Variants in CSGALNACT1 observed in about 807,000 individuals in gnomAD.
CSGALNACT1 encodes the protein beta4GalNAcT-1.
In CSGALNACT1, 52 loss-of-function variants were observed where a neutral mutation model predicts 51.0. The observed-to-expected ratio is 1.02, with a 90% CI of 0.82 to 1.29. The LOEUF (loss-of-function observed/expected upper bound fraction) is 1.29. Ranked by LOEUF, CSGALNACT1 falls within the 50% of genes most tolerant of loss-of-function variation. The pLI, the probability that CSGALNACT1 is intolerant of heterozygous loss-of-function variation, is 0.00. For synonymous variants in CSGALNACT1, 341 were observed against 254.4 expected (o/e 1.34, Z -3.24); for missense variants, 935 against 679.2 (o/e 1.38, Z -4.19).
At chr8:19,492,092 A>G (rs1207168787) in intron 4 of CSGALNACT1, among the ~76,000 whole-genome samples, 2 of 152,244 alleles carry the variant, frequency 1.3e-5, no homozygotes, top group African/African-American at 4.8e-5. Context: ...AATGCCACTC[A>G]TGGGAACATT....
chr8:19,642,696 G>C (rs1175127592), intron 1 of CSGALNACT1, among the ~76,000 whole-genome samples: 1 of 151,930 alleles, frequency 6.6e-6, no homozygotes, highest in African/African-American at 2.4e-5. Context: ...TGAGGTGAGA[G>C]GATCGTTTGG....
At chr8:19,406,140 A>T in intron 9 of CSGALNACT1, 71 bp from the exon 9 acceptor site, 1 of 1,572,274 alleles carries the variant, frequency 6.4e-7, no homozygotes, top group Non-Finnish European at 8.7e-7. Context: ...TGCAACAAGC[A>T]CAAACTTTTC....
At chr8:19,507,784 C>A (rs139587032) in intron 3 of CSGALNACT1, among the ~76,000 whole-genome samples, 1 of 152,162 alleles carries the variant, frequency 6.6e-6, no homozygotes, top group Non-Finnish European at 1.5e-5. Context: ...CGCATCACCA[C>A]CCCTGGCTAA....
intron 3 of CSGALNACT1, among the ~76,000 whole-genome samples, chr8:19,576,606 G>A (rs752287999): frequency 2.6e-5 from 4 of 151,650 alleles, no homozygotes; most frequent in Non-Finnish European, 5.9e-5. Flanking sequence ...TGCTGGCAGG[G>A]ACCTCAGTCC....
intron 4 of CSGALNACT1, among the ~76,000 whole-genome samples, chr8:19,470,194 T>C (rs138246583): frequency 0.013 from 2,037 of 151,940 alleles, 19 homozygotes; most frequent in Non-Finnish European, 0.02. Context: ...GTTCCCACAA[T>C]GGGGATGGAG....
chr8:19,685,740 T>A (rs2060937089), upstream of CSGALNACT1, among the ~76,000 whole-genome samples: 1 of 152,190 alleles, frequency 6.6e-6, no homozygotes, highest in African/African-American at 2.4e-5. Context: ...CCATCATTCA[T>A]ATTCTGAATC....
At chr8:19,588,122 G>A (rs982031503) in intron 3 of CSGALNACT1, 8 of 151,970 alleles carry the variant, frequency 5.3e-5, no homozygotes, top group Admixed American at 4.6e-4. Context: ...GTATGGGGTG[G>A]GGAGGTAGGT....
chr8:19,736,225 C>T lies in CSGALNACT1; in HGVS notation c.-297+21625G>A, dbSNP rs182070997. Among the ~76,000 whole-genome samples the T allele has an allele frequency of 1.6e-3, 239 of 152,142 alleles. 3 individuals carry two copies. In the South Asian group the frequency reaches 0.019, roughly 12 times the overall value. ...TAGCAGGGGTCAGAAAACTATAGCC[C>T]GCTTGTTTTTATAAATAAAGTTTTA... On this transcript the variant is annotated intron_variant, in intron 1 of 1. Transcript: ENST00000517494.
intron 2 of CSGALNACT1, among the ~76,000 whole-genome samples, chr8:19,600,432 G>A (rs2050156182): frequency 1.3e-5 from 2 of 152,026 alleles, no homozygotes; most frequent in African/African-American, 4.8e-5. Context: ...ATTATCTCAA[G>A]GTCTTACTAA....
chr8:19,669,337 A>G (rs1234172613), intron 1 of CSGALNACT1, among the ~76,000 whole-genome samples: 2 of 152,364 alleles, frequency 1.3e-5, no homozygotes, highest in East Asian at 3.9e-4. Context: ...TGCTTAATAA[A>G]TTTCATCCCG....
chr8:19,657,743 C>A (rs2058407876), intron 1 of CSGALNACT1, among the ~76,000 whole-genome samples: 1 of 152,164 alleles, frequency 6.6e-6, no homozygotes, highest in African/African-American at 2.4e-5. Flanking sequence ...TGGGGCAAAA[C>A]AAGAAGTGCT....
At chr8:19,648,726 C>A (rs1471961072) in intron 1 of CSGALNACT1, among the ~76,000 whole-genome samples, 2 of 152,102 alleles carry the variant, frequency 1.3e-5, no homozygotes, top group Non-Finnish European at 2.9e-5. Flanking sequence ...ATCACCTGAG[C>A]CTGGAGCAAC....
intron 4 of CSGALNACT1, among the ~76,000 whole-genome samples, chr8:19,477,134 T>C (rs1679148226): frequency 6.6e-6 from 1 of 152,224 alleles, no homozygotes; most frequent in South Asian, 2.1e-4. Context: ...GTTCACAACA[T>C]GTAAATATGC....
chr8:19,496,357 A>C (rs1301357369), intron 4 of CSGALNACT1, among the ~76,000 whole-genome samples: 1 of 152,188 alleles, frequency 6.6e-6, no homozygotes, highest in Non-Finnish European at 1.5e-5. Flanking sequence ...GTGTTACCAC[A>C]ACATTCCCAC....
chr8:19,494,132 T>C (rs1369321970), intron 4 of CSGALNACT1, among the ~76,000 whole-genome samples: 66 of 152,324 alleles, frequency 4.3e-4, no homozygotes, highest in Non-Finnish European at 1.0e-4. Context: ...CCTGCTTAAT[T>C]CTTCAGGTTT....
At chr8:19,498,511 C>A (rs933326945) in intron 4 of CSGALNACT1, among the ~76,000 whole-genome samples, 1 of 152,164 alleles carries the variant, frequency 6.6e-6, no homozygotes, top group Non-Finnish European at 1.5e-5. Flanking sequence ...CCTAAGCCTG[C>A]AGCAGCTTCA....
chr8:19,548,436 ACTG>A (rs2087017106), intron 3 of CSGALNACT1, among the ~76,000 whole-genome samples: 1 of 152,236 alleles, frequency 6.6e-6, no homozygotes, highest in Middle Eastern at 3.4e-3. Flanking sequence ...CCAAAAACTC[ACTG>A]CTGTTTTTCT....
At chr8:19,582,121 C>T (rs894983670) in intron 3 of CSGALNACT1, among the ~76,000 whole-genome samples, 21 of 152,274 alleles carry the variant, frequency 1.4e-4, no homozygotes, top group Admixed American at 3.9e-4. Flanking sequence ...CAGATAGTAA[C>T]GTTCTGTAAC....
At chr8:19,510,036 C>T (rs1346917514) in intron 3 of CSGALNACT1, among the ~76,000 whole-genome samples, 2 of 152,132 alleles carry the variant, frequency 1.3e-5, no homozygotes, top group Non-Finnish European at 2.9e-5. Context: ...AAGGGAGATA[C>T]ATAATTCCCG....
Sources: allele counts gnomAD v4.1 joint callset (sites outside exome capture counted in the v4.1 genomes callset), GRCh38; gene constraint gnomAD v4.1.1; transcripts MANE v1.5; gene names NCBI Gene and HGNC (gene_info 2026-07-23, HGNC 2026-07-21).